SDHB: variants seen among roughly 807,000 people sequenced by gnomAD.
SDHB encodes the protein succinate dehydrogenase complex iron sulfur subunit B, also known as succinate dehydrogenase [ubiquinone] iron-sulfur subunit, mitochondrial.
A neutral mutation model predicts 39.7 loss-of-function variants in SDHB; 21 were observed. The observed-to-expected ratio is 0.53, with a 90% CI of 0.37 to 0.76. The LOEUF (loss-of-function observed/expected upper bound fraction) is 0.76. SDHB is among the 30% of genes least tolerant of loss of function. The probability of loss-of-function intolerance (pLI) is 0.00; values close to 1 mark genes in which losing one functional copy is unlikely to be tolerated. For missense variants in SDHB, 343 were observed against 350.9 expected, an observed-to-expected ratio of 0.98 and a Z score of 0.18; for synonymous variants, 118 against 117.0, an observed-to-expected ratio of 1.01 and a Z score of -0.06.
intron 3 of SDHB, chr1:17,032,802 G>A: frequency 1.9e-6 from 1 of 529,588 alleles, no homozygotes. Context: ...CTTGAAGCGT[G>A]GAGCAGCTCA....
intron 2 of SDHB, among the ~76,000 whole-genome samples, chr1:17,044,232 A>G (rs2078096146): frequency 6.6e-6 from 1 of 152,214 alleles, no homozygotes; most frequent in South Asian, 2.1e-4. Context: ...AATACTGTGC[A>G]TAAAGTTAAT....
At chr1:17,029,229 C>T (rs1252965234) in intron 3 of SDHB, among the ~76,000 whole-genome samples, 1 of 150,888 alleles carries the variant, frequency 6.6e-6, no homozygotes, top group Non-Finnish European at 1.5e-5. Flanking sequence ...CCTCAGCCTC[C>T]TAAGTAGCTG....
At chr1:17,039,988 T>C (rs915882366) in intron 2 of SDHB, among the ~76,000 whole-genome samples, 1 of 152,230 alleles carries the variant, frequency 6.6e-6, no homozygotes, top group African/African-American at 2.4e-5. Flanking sequence ...CTATAGCATT[T>C]CATGTAGTAC....
At chr1:17,036,350 A>C (rs1177848490) in intron 2 of SDHB, among the ~76,000 whole-genome samples, 1 of 152,070 alleles carries the variant, frequency 6.6e-6, no homozygotes, top group East Asian at 1.9e-4. Context: ...TCTGTCGCCC[A>C]GGCTGGATGG....
intron 1 of SDHB, among the ~76,000 whole-genome samples, chr1:17,050,585 G>C (rs546717789): frequency 3.3e-5 from 5 of 152,016 alleles, no homozygotes; most frequent in African/African-American, 1.2e-4. Context: ...CCGGGAGGCG[G>C]AGGGTACGGT....
At chr1:17,020,155 T>A (rs990916105) in intron 7 of SDHB, among the ~76,000 whole-genome samples, 2 of 152,198 alleles carry the variant, frequency 1.3e-5, no homozygotes, top group African/African-American at 4.8e-5. Flanking sequence ...TTTCACTGTA[T>A]ATCCTTCTGA....
In SDHB at chr1:17,019,421, G is replaced by A. The variant is rs957351271; in HGVS notation, c.766-463C>T. Among the ~76,000 whole-genome samples the A allele has an allele frequency of 2.0e-5, 3 of 152,118 alleles. No homozygotes were observed. In the South Asian group the frequency reaches 6.2e-4, roughly 32 times the overall value. The stretch of plus-strand genomic sequence containing the variant: ...AAACTACCCTCTCTATTAACCCTTT[G>A]TAAAACCATGATGATTTCAACTGGC... On this transcript the variant is annotated intron_variant, in intron 7 of 7. Transcript: ENST00000375499.
intron 1 of SDHB, chr1:17,052,416 G>A (rs1477750205): frequency 6.6e-6 from 1 of 152,172 alleles, no homozygotes; most frequent in African/African-American, 2.4e-5. Flanking sequence ...GGGAGGCCTT[G>A]GGGCTCTTCT....
intron 2 of SDHB, among the ~76,000 whole-genome samples, chr1:17,040,741 G>T (rs1317931504): frequency 6.6e-6 from 1 of 152,106 alleles, no homozygotes; most frequent in Non-Finnish European, 1.5e-5. Context: ...TGGGATTACA[G>T]ACATGAGCCA....
intron 1 of SDHB, among the ~76,000 whole-genome samples, chr1:17,047,682 A>AG (rs2078120367): frequency 3.1e-5 from 1 of 32,112 alleles, no homozygotes; most frequent in Admixed American, 3.2e-4. Flanking sequence ...AACTCAAGCT[A>AG]AAAAAAAAAA....
intron 1 of SDHB, among the ~76,000 whole-genome samples, chr1:17,045,863 C>T (rs2078106974): frequency 6.6e-6 from 1 of 152,120 alleles, no homozygotes; most frequent in Admixed American, 6.6e-5. Flanking sequence ...ACTTTAATCC[C>T]AGAAGACTGT....
chr1:17,023,127 T>C (rs562165236), intron 6 of SDHB: 17 of 338,252 alleles, frequency 5.0e-5, no homozygotes, highest in Non-Finnish European at 8.2e-5. Context: ...AGTAAAGGAA[T>C]GATTTAACAG....
In SDHB at chr1:17,054,000, A is replaced by G. The variant is rs778776844; in HGVS notation, c.20T>C (p.Leu7Pro). ...GGCCGGCAACCGGCGCCTCAAGGAG[A>G]GGGCGACCACCGCCGCCATCTTGGC... MAAVVA[L>P]SLRRRLPATT... The change falls in exon 1 of 8, where the codon CTC becomes CCC. Residue 7 changes from leucine to proline, a missense_variant. Physicochemically the swap from Leu to Pro is moderately conservative, Grantham distance 98 (BLOSUM62 -3). Transcript: ENST00000375499. 3.1e-6 allele frequency: 5 copies of G among 1,612,556 alleles called. No homozygotes were observed. The highest frequency in any genetic ancestry group is 1.1e-5 in the South Asian group (1 of 90,860).
intron 2 of SDHB, among the ~76,000 whole-genome samples, chr1:17,035,825 A>T (rs1305566461): frequency 6.6e-6 from 1 of 152,162 alleles, no homozygotes; most frequent in East Asian, 1.9e-4. Context: ...GCACCACTGC[A>T]CTCCAGCCTG....
At chr1:17,038,542 T>C (rs2078062185) in intron 2 of SDHB, among the ~76,000 whole-genome samples, 1 of 152,250 alleles carries the variant, frequency 6.6e-6, no homozygotes, top group Admixed American at 6.5e-5. Flanking sequence ...AGCTTACATA[T>C]GCCTTCTACT....
intron 2 of SDHB, among the ~76,000 whole-genome samples, chr1:17,041,739 A>G (rs2078081262): frequency 6.6e-6 from 1 of 152,188 alleles, no homozygotes; most frequent in African/African-American, 2.4e-5. Flanking sequence ...GTTTTTCTGA[A>G]AAGTGTGGAT....
intron 3 of SDHB, among the ~76,000 whole-genome samples, chr1:17,029,020 C>T (rs1451427532): frequency 1.4e-5 from 2 of 147,068 alleles, no homozygotes; most frequent in Non-Finnish European, 3.0e-5. Flanking sequence ...GAGGCCTGGG[C>T]GCTGCTGGCA....
At chr1:17,040,636 A>G (rs2078074525) in intron 2 of SDHB, among the ~76,000 whole-genome samples, 1 of 151,890 alleles carries the variant, frequency 6.6e-6, no homozygotes. Context: ...TCAAAGAAAA[A>G]ATTTTTTTAG....
chr1:17,053,144 C>G (rs910393608), intron 1 of SDHB, among the ~76,000 whole-genome samples: 1 of 152,148 alleles, frequency 6.6e-6, no homozygotes, highest in African/African-American at 2.4e-5. Context: ...TCTAAATGTT[C>G]CCACTTAGAA....
Sources: gnomAD v4.1 joint callset for allele counts (sites outside exome capture counted in the v4.1 genomes callset) on GRCh38, gnomAD v4.1.1 for gene constraint, MANE v1.5 for transcripts, NCBI Gene and HGNC (gene_info 2026-07-23, HGNC 2026-07-21) for gene names.